The following GRM5 variants were observed in gnomAD, a reference collection of about 807,000 sequenced individuals.
The protein encoded by GRM5 is metabotropic glutamate receptor 5.
GRM5 carries 19 observed loss-of-function variants against 83.1 expected under a neutral mutation model. That is an observed-to-expected ratio of 0.23 (90% confidence interval 0.16 to 0.34). The LOEUF is 0.34. GRM5 is among the 10% of genes least tolerant of loss of function. The probability of loss-of-function intolerance (pLI) is 1.00; values close to 1 mark genes in which losing one functional copy is unlikely to be tolerated. For missense variants in GRM5, 1,160 were observed against 1,588.3 expected (o/e 0.73, Z 4.58); for synonymous variants, 675 against 633.6 (o/e 1.07, Z -0.98).
chr11:88,863,604 T>C (rs1393266177), intron 2 of GRM5, among the ~76,000 whole-genome samples: 1 of 151,936 alleles, frequency 6.6e-6, no homozygotes, highest in East Asian at 1.9e-4. Flanking sequence ...CACTCATATA[T>C]ATTATGTTGA....
At chr11:88,564,260 C>T (rs1031331050) in intron 8 of GRM5, among the ~76,000 whole-genome samples, 11 of 152,162 alleles carry the variant, frequency 7.2e-5, no homozygotes, top group African/African-American at 2.7e-4. Context: ...CAGATTCTAA[C>T]ATCCAAATGC....
intron 7 of GRM5, among the ~76,000 whole-genome samples, chr11:88,586,339 T>C (rs1444756937): frequency 6.6e-6 from 1 of 152,230 alleles, no homozygotes; most frequent in Admixed American, 6.5e-5. Flanking sequence ...CCAGGTGGGC[T>C]GAGATCTCTT....
chr11:88,578,415 T>C (rs749872051), intron 7 of GRM5, among the ~76,000 whole-genome samples: 3 of 152,154 alleles, frequency 2.0e-5, no homozygotes, highest in Non-Finnish European at 4.4e-5. Context: ...CTGAAATCAA[T>C]GAAATCACAT....
intron 4 of GRM5, among the ~76,000 whole-genome samples, chr11:88,646,603 G>A (rs1055172736): frequency 4.6e-5 from 7 of 151,918 alleles, no homozygotes; most frequent in African/African-American, 1.7e-4. Flanking sequence ...AGAATAAAGA[G>A]TAGAGGAAGA....
At chr11:88,765,067 G>C (rs902375785) in intron 3 of GRM5, among the ~76,000 whole-genome samples, 1 of 151,392 alleles carries the variant, frequency 6.6e-6, no homozygotes, top group African/African-American at 2.4e-5. Context: ...AGAGTATTAT[G>C]AATAATTGTA....
intron 8 of GRM5, among the ~76,000 whole-genome samples, chr11:88,535,708 T>G (rs1026156819): frequency 4.6e-5 from 7 of 152,200 alleles, no homozygotes; most frequent in Admixed American, 4.6e-4. Flanking sequence ...TTTCTGAAAT[T>G]GTTATAGCAT....
chr11:88,548,558 T>C (rs1160705208), intron 8 of GRM5, among the ~76,000 whole-genome samples: 1 of 152,206 alleles, frequency 6.6e-6, no homozygotes. Flanking sequence ...TCCACAAATA[T>C]ACTTCAATTA....
At chr11:88,729,363 A>C (rs557475490) in intron 3 of GRM5, among the ~76,000 whole-genome samples, 86 of 107,592 alleles carry the variant, frequency 8.0e-4, no homozygotes, top group African/African-American at 1.6e-3. Flanking sequence ...ACCACTGCCC[A>C]AAAAAAAAAA....
intron 3 of GRM5, among the ~76,000 whole-genome samples, chr11:88,687,747 G>A (rs1326323640): frequency 1.4e-5 from 2 of 147,734 alleles, no homozygotes; most frequent in Non-Finnish European, 3.0e-5. Context: ...ACCTCTGTCA[G>A]CAACATTATT....
intron 3 of GRM5, among the ~76,000 whole-genome samples, chr11:88,794,282 A>T (rs72643327): frequency 0.11 from 17,160 of 152,064 alleles, 2,125 homozygotes; most frequent in African/African-American, 0.31. Context: ...TGTTCAAGCC[A>T]CTATTTGCAC....
chr11:88,535,864 A>G (rs1219955338), intron 8 of GRM5, among the ~76,000 whole-genome samples: 1 of 152,236 alleles, frequency 6.6e-6, no homozygotes, highest in Non-Finnish European at 1.5e-5. Flanking sequence ...TCTTTTAAAT[A>G]ATGCTCCTTT....
chr11:88,525,404 C>T lies in GRM5; in HGVS notation c.2631G>A (p.Arg877=). Residue 877 remains arginine (R), a splice_region_variant and synonymous_variant, in exon 9 of 10, where the codon AGG becomes AGA. Coordinates refer to ENST00000305447, the MANE Select transcript of GRM5 (RefSeq NM_001143831.3). ...GCTGGGCCAGTCTCCTGTCTTTGTA[C>T]CTGGTGAGCATGAACAAGGACAGGA... The part of the protein sequence containing the change: ...KRRGSSGETL[R]YKDRRLAQHK... 1 of 1,590,314 alleles carries T rather than the reference C, an allele frequency of 6.3e-7. No homozygotes were observed. Among genetic ancestry groups the T allele is most frequent in the South Asian group, 1.1e-5 (1 of 90,344 alleles).
chr11:88,790,872 T>G (rs938883434), intron 3 of GRM5, among the ~76,000 whole-genome samples: 1 of 152,294 alleles, frequency 6.6e-6, no homozygotes, highest in East Asian at 1.9e-4. Flanking sequence ...GCAAATGCAA[T>G]GACAAATAAT....
chr11:88,936,654 AG>A (rs1937905920), intron 2 of GRM5, among the ~76,000 whole-genome samples: 1 of 151,934 alleles, frequency 6.6e-6, no homozygotes, highest in Non-Finnish European at 1.5e-5. Flanking sequence ...TTGGATAAAA[AG>A]CTAAGTTTAA....
intron 3 of GRM5, among the ~76,000 whole-genome samples, chr11:88,665,172 C>CACACAT (rs1940009622): frequency 6.6e-6 from 1 of 151,588 alleles, no homozygotes; most frequent in Admixed American, 6.6e-5. Flanking sequence ...TACACACACA[C>CACACAT]ACACACACAC....
intron 2 of GRM5, among the ~76,000 whole-genome samples, chr11:88,897,762 G>A (rs1945252408): frequency 6.6e-6 from 1 of 151,868 alleles, no homozygotes; most frequent in Non-Finnish European, 1.5e-5. Flanking sequence ...GAGTTAGCCT[G>A]AACTCACAAA....
chr11:88,862,552 C>A (rs1944583767), intron 2 of GRM5, among the ~76,000 whole-genome samples: 1 of 152,046 alleles, frequency 6.6e-6, no homozygotes, highest in African/African-American at 2.4e-5. Context: ...AGTTGCATTA[C>A]TCTAATTATA....
chr11:88,700,300 T>A (rs1332948221), intron 3 of GRM5, among the ~76,000 whole-genome samples: 3 of 152,146 alleles, frequency 2.0e-5, no homozygotes, highest in African/African-American at 4.8e-5. Flanking sequence ...AACCATTTAA[T>A]ATTAGCTATC....
intron 2 of GRM5, among the ~76,000 whole-genome samples, chr11:88,994,781 T>C (rs1940123006): frequency 6.6e-6 from 1 of 151,968 alleles, no homozygotes; most frequent in East Asian, 1.9e-4. Flanking sequence ...AAGATCAAGA[T>C]CCAAGGACTG....
Sources: allele counts gnomAD v4.1 joint callset (sites outside exome capture counted in the v4.1 genomes callset), GRCh38; gene constraint gnomAD v4.1.1; transcripts MANE v1.5; gene names NCBI Gene and HGNC (gene_info 2026-07-23, HGNC 2026-07-21).